The following OSBP2 variants were observed in gnomAD, a reference collection of about 807,000 sequenced individuals.
OSBP2 encodes the protein oxysterol binding protein 2.
OSBP2 carries 66 observed loss-of-function variants against 96.0 expected under a neutral mutation model. The observed-to-expected ratio is 0.69, with a 90% CI of 0.56 to 0.84. The LOEUF is 0.84. Among genes scored for constraint, OSBP2 ranks in the 40% least tolerant of loss-of-function variants. The pLI, the probability that OSBP2 is intolerant of heterozygous loss-of-function variation, is 0.00. For missense variants in OSBP2, 1,038 were observed against 1,222.7 expected (o/e 0.85, Z 2.25); for synonymous variants, 525 against 520.9 (o/e 1.01, Z -0.11).
intron 2 of OSBP2, among the ~76,000 whole-genome samples, chr22:30,785,661 T>C (rs2090577997): frequency 6.6e-6 from 1 of 152,264 alleles, no homozygotes; most frequent in Middle Eastern, 3.4e-3. Context: ...TTTGGCTCTA[T>C]ATCCCCACCA....
chr22:30,785,217 G>A (rs545897384), intron 2 of OSBP2, among the ~76,000 whole-genome samples: 59 of 152,240 alleles, frequency 3.9e-4, no homozygotes, highest in African/African-American at 1.4e-3. Context: ...ACTTTCCTCT[G>A]TAACCAATGT....
chr22:30,879,065 G>C (rs887835472), intron 3 of OSBP2, among the ~76,000 whole-genome samples: 1 of 152,208 alleles, frequency 6.6e-6, no homozygotes, highest in African/African-American at 2.4e-5. Context: ...ACAAAGACCC[G>C]CATCAGAAGG....
chr22:30,734,526 G>A (rs2089823603), intron 1 of OSBP2, among the ~76,000 whole-genome samples: 1 of 152,224 alleles, frequency 6.6e-6, no homozygotes, highest in East Asian at 1.9e-4. Flanking sequence ...TTCATAGAGA[G>A]GGTTACCTCA....
chr22:30,805,300 A>G (rs1023116231), intron 2 of OSBP2, among the ~76,000 whole-genome samples: 3 of 152,240 alleles, frequency 2.0e-5, no homozygotes, highest in African/African-American at 4.8e-5. Flanking sequence ...AGTGATGACT[A>G]TTTGTCAATA....
At chr22:30,753,493 C>T (rs1350937202) in intron 2 of OSBP2, among the ~76,000 whole-genome samples, 1 of 152,108 alleles carries the variant, frequency 6.6e-6, no homozygotes, top group Non-Finnish European at 1.5e-5. Flanking sequence ...GAGACAGCTC[C>T]GTGCTCCTTC....
At chr22:30,821,442 G>A (rs2038270847) in intron 2 of OSBP2, among the ~76,000 whole-genome samples, 1 of 152,214 alleles carries the variant, frequency 6.6e-6, no homozygotes, top group Non-Finnish European at 1.5e-5. Flanking sequence ...CAGCCATCAT[G>A]ATGTGCTGAC....
intron 2 of OSBP2, among the ~76,000 whole-genome samples, chr22:30,742,802 T>C (rs2089956693): frequency 6.6e-6 from 1 of 152,212 alleles, no homozygotes; most frequent in South Asian, 2.1e-4. Context: ...ATGAGTAACC[T>C]TGCAAGTACT....
intron 2 of OSBP2, among the ~76,000 whole-genome samples, chr22:30,768,349 G>A (rs1436294531): frequency 1.3e-5 from 2 of 152,142 alleles, no homozygotes; most frequent in South Asian, 2.1e-4. Context: ...CTTATGAAGA[G>A]GTCAGAGCAT....
intron 2 of OSBP2, among the ~76,000 whole-genome samples, chr22:30,824,621 C>T (rs1602317740): frequency 2.0e-5 from 3 of 152,282 alleles, no homozygotes; most frequent in Admixed American, 2.0e-4. Flanking sequence ...TGATTGTGTC[C>T]TCGTCCCCAG....
intron 2 of OSBP2, among the ~76,000 whole-genome samples, chr22:30,742,884 G>A (rs756560878): frequency 2.6e-5 from 4 of 152,268 alleles, no homozygotes; most frequent in East Asian, 1.9e-4. Flanking sequence ...CAGTGGGCGC[G>A]TACATTTGTA....
rs370179832 is a variant in OSBP2, at chr22:30,708,600, C to T, written c.644+13047C>T. Among the ~76,000 whole-genome samples the T allele has an allele frequency of 1.6e-4, 22 of 141,702 alleles. 1 individual carries two copies. Among genetic ancestry groups the T allele is most frequent in the South Asian group, 1.1e-3 (5 of 4,394 alleles). 93.0% of individuals were successfully genotyped at this position (141,702 alleles called of 152,430 possible). A position where few individuals can be genotyped will look rare whatever the true frequency, so the allele number is the denominator to read the frequency against. On this transcript the variant is annotated intron_variant, in intron 1 of 13. Transcript: ENST00000332585. ...GCCTCCTGGGTTCAAGCAATTCTTC[C>T]GCCTCAGCCTCCCGAGTAGCTGGGA... is the stretch of plus-strand genomic sequence containing the variant.
At chr22:30,861,552 A>T (rs2039211387) in intron 2 of OSBP2, among the ~76,000 whole-genome samples, 2 of 151,952 alleles carry the variant, frequency 1.3e-5, no homozygotes, top group African/African-American at 2.4e-5. Flanking sequence ...GTGATTTATT[A>T]TTTATTATTA....
intron 2 of OSBP2, among the ~76,000 whole-genome samples, chr22:30,813,467 C>T (rs2091039208): frequency 6.6e-6 from 1 of 151,962 alleles, no homozygotes; most frequent in South Asian, 2.1e-4. Context: ...AGCCACTGCG[C>T]CCAGCCACAA....
intron 2 of OSBP2, among the ~76,000 whole-genome samples, chr22:30,819,973 C>T (rs573194715): frequency 5.3e-5 from 8 of 152,328 alleles, no homozygotes; most frequent in African/African-American, 1.7e-4. Flanking sequence ...ATTTCAGATT[C>T]CACGATACTC....
intron 2 of OSBP2, among the ~76,000 whole-genome samples, chr22:30,864,237 G>A (rs1032090281): frequency 2.0e-5 from 3 of 152,168 alleles, no homozygotes; most frequent in African/African-American, 4.8e-5. Context: ...CTCCCAAAGT[G>A]CTGGGATTAC....
At position 30,849,741 on chromosome 22, in the gene OSBP2, A is replaced by G. The variant is rs532185153; in HGVS notation, c.854-20688A>G. ...CATGATTTTAATTTTGATGAAAACT[A>G]CTTATCAGATGTTTCTATTATGATT... On this transcript the variant is annotated intron_variant, in intron 2 of 13. Transcript: ENST00000332585. 1.3e-4 allele frequency among the ~76,000 whole-genome samples: 20 copies of G among 152,294 alleles called. No homozygotes were observed. The South Asian group carries it at 4.2e-3, about 32-fold the overall frequency.
chr22:30,790,308 G>T (rs918018178), intron 2 of OSBP2, among the ~76,000 whole-genome samples: 2 of 152,114 alleles, frequency 1.3e-5, no homozygotes, highest in Non-Finnish European at 2.9e-5. Flanking sequence ...TAAGGAGGGG[G>T]GGGCGGGGAA....
intron 2 of OSBP2, among the ~76,000 whole-genome samples, chr22:30,860,533 T>C (rs1334066622): frequency 1.3e-5 from 2 of 152,242 alleles, no homozygotes; most frequent in Admixed American, 1.3e-4. Flanking sequence ...TGCAGCCCCA[T>C]GGGCAGATTC....
intron 1 of OSBP2, among the ~76,000 whole-genome samples, chr22:30,715,620 C>T (rs1301414004): frequency 1.3e-5 from 2 of 150,918 alleles, no homozygotes; most frequent in South Asian, 2.1e-4. Flanking sequence ...GGCGCCATCT[C>T]GGCTCACTGC....
Sources: gnomAD v4.1 joint callset for allele counts (sites outside exome capture counted in the v4.1 genomes callset) on GRCh38, gnomAD v4.1.1 for gene constraint, MANE v1.5 for transcripts, NCBI Gene and HGNC (gene_info 2026-07-23, HGNC 2026-07-21) for gene names.